FHIP1A: variants seen among roughly 807,000 people sequenced by gnomAD.
The protein encoded by FHIP1A is FHF complex subunit HOOK-interacting protein 1A.
FHIP1A carries 61 observed loss-of-function variants against 88.6 expected under a neutral mutation model. The observed-to-expected ratio is 0.69, with a 90% confidence interval of 0.56 to 0.85. The LOEUF (loss-of-function observed/expected upper bound fraction) is 0.85. Ranked by LOEUF, FHIP1A falls within the 40% of genes least tolerant of loss-of-function variation. FHIP1A has a pLI of 0.00. For synonymous variants in FHIP1A, 478 were observed against 496.0 expected, an observed-to-expected ratio of 0.96 and a Z score of 0.48; for missense variants, 1,154 against 1,273.5, an observed-to-expected ratio of 0.91 and a Z score of 1.43.
intron 9 of FHIP1A, among the ~76,000 whole-genome samples, chr4:151,644,671 A>G (rs563221907): frequency 6.6e-6 from 1 of 152,122 alleles, no homozygotes; most frequent in Non-Finnish European, 1.5e-5. Context: ...GGAGTCTTAA[A>G]TATATGCATG....
chr4:151,531,830 G>T (rs533424840), intron 3 of FHIP1A, among the ~76,000 whole-genome samples: 1 of 152,242 alleles, frequency 6.6e-6, no homozygotes, highest in South Asian at 2.1e-4. Flanking sequence ...AATTACATTG[G>T]TATCTACAAG....
intron 2 of FHIP1A, among the ~76,000 whole-genome samples, chr4:151,466,844 A>C (rs1290487802): frequency 6.6e-6 from 1 of 152,250 alleles, no homozygotes; most frequent in East Asian, 1.9e-4. Flanking sequence ...GATGGATTAA[A>C]GACTTAAATG....
At chr4:151,571,565 A>G (rs1229219294) in intron 4 of FHIP1A, among the ~76,000 whole-genome samples, 1 of 152,056 alleles carries the variant, frequency 6.6e-6, no homozygotes. Flanking sequence ...CCCGAATCTA[A>G]AGTCTAGAGC....
Position 151,423,023 on chromosome 4 carries a change from G to A in FHIP1A, c.-356+13558G>A, listed in dbSNP as rs1435504476. On this transcript the variant is annotated intron_variant, in intron 1 of 13. Coordinates refer to ENST00000435205, the MANE Select transcript of FHIP1A (RefSeq NM_001109977.3). ...CCGTGAGAGTGATCAATAACTATTA[G>A]TGTCTAATGATGACACAGGAATATT... Among the ~76,000 whole-genome samples the A allele has an allele frequency of 5.9e-5, 9 of 152,278 alleles. No individual in the cohort carries two copies. The East Asian group carries it at 1.7e-3, about 29-fold the overall frequency.
intron 7 of FHIP1A, among the ~76,000 whole-genome samples, chr4:151,589,157 A>T (rs1734331957): frequency 6.6e-6 from 1 of 152,194 alleles, no homozygotes; most frequent in Non-Finnish European, 1.5e-5. Flanking sequence ...TAGGATAGTC[A>T]GCCTAAAGGA....
At chr4:151,662,122 G>A (rs1212216632) in intron 13 of FHIP1A, among the ~76,000 whole-genome samples, 1 of 152,244 alleles carries the variant, frequency 6.6e-6, no homozygotes, top group Non-Finnish European at 1.5e-5. Flanking sequence ...GAGGCTGGCA[G>A]AGCAGGCGGG....
intron 3 of FHIP1A, among the ~76,000 whole-genome samples, chr4:151,546,216 C>G (rs1732496553): frequency 2.0e-5 from 3 of 152,202 alleles, no homozygotes; most frequent in Admixed American, 2.0e-4. Context: ...CATCAGACTC[C>G]AGGCTCTTCA....
At chr4:151,503,662 G>A (rs572687759) in intron 3 of FHIP1A, among the ~76,000 whole-genome samples, 200 of 152,124 alleles carry the variant, frequency 1.3e-3, no homozygotes, top group African/African-American at 4.6e-3. Flanking sequence ...AGAAAAATGG[G>A]AATACTTGGT....
At chr4:151,484,581 G>A (rs1408714414) in intron 3 of FHIP1A, among the ~76,000 whole-genome samples, 1 of 152,170 alleles carries the variant, frequency 6.6e-6, no homozygotes, top group East Asian at 1.9e-4. Flanking sequence ...GATACTAAAG[G>A]TAGCATAACA....
chr4:151,579,211 G>A (rs1045392100), intron 5 of FHIP1A, among the ~76,000 whole-genome samples: 1 of 152,298 alleles, frequency 6.6e-6, no homozygotes, highest in Non-Finnish European at 1.5e-5. Flanking sequence ...CCCATAGAAT[G>A]TAAAACACTG....
In FHIP1A at chr4:151,662,624, T is replaced by C. The variant is rs1560829519; in HGVS notation, c.2993T>C (p.Leu998Pro). The change falls in exon 14 of 14, where the codon CTG becomes CCG. Residue 998 changes from leucine to proline, a missense_variant. Transcript: ENST00000435205. ...GCTGAGGCACCCCCCAACCTGCCCC[T>C]GCCGGTGAGGAACCCCATGCTGGCT... The part of the protein sequence containing the change: ...KVAEAPPNLP[L>P]PVRNPMLAAA... 6.4e-7 allele frequency: 1 copy of C among 1,551,638 alleles called. No individual in the cohort carries two copies. Among genetic ancestry groups the C allele is most frequent in the Non-Finnish European group, 8.7e-7 (1 of 1,146,968 alleles).
At chr4:151,511,354 C>G (rs6838011) in intron 3 of FHIP1A, among the ~76,000 whole-genome samples, 1 of 151,660 alleles carries the variant, frequency 6.6e-6, no homozygotes, top group Non-Finnish European at 1.5e-5. Context: ...CTAGTGTGAG[C>G]GACGCAGAAG....
At chr4:151,592,264 A>G (rs1375394130) in intron 7 of FHIP1A, among the ~76,000 whole-genome samples, 1 of 152,004 alleles carries the variant, frequency 6.6e-6, no homozygotes, top group Non-Finnish European at 1.5e-5. Flanking sequence ...CCTCCTGAGT[A>G]GCTGGGACCA....
chr4:151,442,684 C>T (rs1366528727), intron 1 of FHIP1A, among the ~76,000 whole-genome samples: 62 of 152,080 alleles, frequency 4.1e-4, no homozygotes, highest in Non-Finnish European at 2.9e-5. Flanking sequence ...ACCCTGGGTT[C>T]AGTGTTCTTC....
At chr4:151,565,272 C>T (rs1217491741) in intron 3 of FHIP1A, among the ~76,000 whole-genome samples, 1 of 152,172 alleles carries the variant, frequency 6.6e-6, no homozygotes, top group Non-Finnish European at 1.5e-5. Flanking sequence ...CTGCTTTCGT[C>T]AGTGCCACAC....
At chr4:151,415,645 T>C (rs1364486265) in intron 1 of FHIP1A, among the ~76,000 whole-genome samples, 1 of 152,270 alleles carries the variant, frequency 6.6e-6, no homozygotes, top group Non-Finnish European at 1.5e-5. Context: ...ATGTTAAATT[T>C]CTTTTATTTA....
At chr4:151,607,308 G>T (rs760509338) in intron 7 of FHIP1A, among the ~76,000 whole-genome samples, 18 of 152,176 alleles carry the variant, frequency 1.2e-4, no homozygotes, top group Non-Finnish European at 2.4e-4. Flanking sequence ...TAATTAAAAG[G>T]CCCAGTCCTG....
At chr4:151,592,555 G>A (rs778969377) in intron 7 of FHIP1A, among the ~76,000 whole-genome samples, 2 of 152,116 alleles carry the variant, frequency 1.3e-5, no homozygotes, top group African/African-American at 2.4e-5. Flanking sequence ...TTCTTTGGCT[G>A]CATAAATGTC....
At chr4:151,458,690 A>G (rs1729049909) in intron 2 of FHIP1A, among the ~76,000 whole-genome samples, 1 of 152,158 alleles carries the variant, frequency 6.6e-6, no homozygotes, top group Admixed American at 6.6e-5. Context: ...ATAAATAACT[A>G]AAATGTATGG....
Sources: allele counts gnomAD v4.1 joint callset (sites outside exome capture counted in the v4.1 genomes callset), GRCh38; gene constraint gnomAD v4.1.1; transcripts MANE v1.5; gene names NCBI Gene and HGNC (gene_info 2026-07-23, HGNC 2026-07-21).